IL1RAPL2: variants seen among roughly 807,000 people sequenced by gnomAD.
IL1RAPL2 encodes the protein X-linked interleukin-1 receptor accessory protein-like 2.
In IL1RAPL2, 3 loss-of-function variants were observed where a neutral mutation model predicts 44.1. The ratio of observed to expected loss-of-function variants is 0.07; its 90% CI spans 0.03 to 0.18. IL1RAPL2 has a LOEUF of 0.18. Among genes scored for constraint, IL1RAPL2 ranks in the 10% least tolerant of loss-of-function variants. The probability of loss-of-function intolerance (pLI) is 1.00; values close to 1 mark genes in which losing one functional copy is unlikely to be tolerated. For synonymous variants in IL1RAPL2, 181 were observed against 178.8 expected, an observed-to-expected ratio of 1.01 and a Z score of -0.10; for missense variants, 391 against 496.4, an observed-to-expected ratio of 0.79 and a Z score of 2.02.
chrX:105,646,250 A>G (rs2037604752), intron 6 of IL1RAPL2, among the ~76,000 whole-genome samples: 1 of 111,775 alleles, frequency 8.9e-6, no homozygotes, highest in Non-Finnish European at 1.9e-5. Context: ...ATTTGTGTGC[A>G]TTGATTTGTC....
intron 6 of IL1RAPL2, among the ~76,000 whole-genome samples, chrX:105,593,199 T>C (rs779997996): frequency 2.7e-5 from 3 of 111,994 alleles, no homozygotes; most frequent in Non-Finnish European, 5.6e-5. Context: ...GCTCTGAGAT[T>C]CTTTCCTCAT....
intron 2 of IL1RAPL2, among the ~76,000 whole-genome samples, chrX:104,945,554 A>G (rs1190904126): frequency 8.9e-6 from 1 of 112,019 alleles, no homozygotes; most frequent in Non-Finnish European, 1.9e-5. Flanking sequence ...TATGATATAC[A>G]GGGCTCATTA....
intron 6 of IL1RAPL2, among the ~76,000 whole-genome samples, chrX:105,687,733 C>T (rs896063103): frequency 2.7e-5 from 3 of 111,667 alleles, no homozygotes; most frequent in African/African-American, 9.8e-5. Context: ...ATGAGGCCAA[C>T]ATCATCCTGA....
At chrX:104,663,532 TCTC>T (rs1167996636) in intron 2 of IL1RAPL2, among the ~76,000 whole-genome samples, 1 of 110,360 alleles carries the variant, frequency 9.1e-6, no homozygotes, top group African/African-American at 3.3e-5. Context: ...TGAGATCTCA[TCTC>T]CTAAATGTAT....
chrX:104,595,022 T>C (rs1189676867), intron 1 of IL1RAPL2, among the ~76,000 whole-genome samples: 3 of 111,772 alleles, frequency 2.7e-5, no homozygotes, highest in African/African-American at 9.8e-5. Context: ...GAATGAATGA[T>C]TTTAAGCTGG....
intron 6 of IL1RAPL2, among the ~76,000 whole-genome samples, chrX:105,666,740 G>A (rs1305655439): frequency 9.0e-6 from 1 of 111,533 alleles, no homozygotes; most frequent in Non-Finnish European, 1.9e-5. Context: ...CAAGATGAGG[G>A]CATTTATAGT....
At chrX:105,363,027 T>C (rs1346010233) in intron 5 of IL1RAPL2, among the ~76,000 whole-genome samples, 2 of 108,358 alleles carry the variant, frequency 1.8e-5, no homozygotes, top group African/African-American at 6.7e-5. Context: ...TCCTCCCCTC[T>C]CCTTTACCCT....
chrX:104,640,925 G>T (rs1929921920), intron 1 of IL1RAPL2, among the ~76,000 whole-genome samples: 1 of 112,311 alleles, frequency 8.9e-6, no homozygotes, highest in African/African-American at 3.2e-5. Context: ...CCCCATGGCT[G>T]TGTATGCTGG....
intron 3 of IL1RAPL2, among the ~76,000 whole-genome samples, chrX:105,200,915 C>CCACA (rs61216729): frequency 9.7e-4 from 101 of 104,351 alleles, no homozygotes; most frequent in African/African-American, 3.3e-3. Flanking sequence ...CGTTTCACAC[C>CCACA]CACACACACA....
At chrX:104,896,724 C>T (rs1923660203) in intron 2 of IL1RAPL2, among the ~76,000 whole-genome samples, 1 of 111,685 alleles carries the variant, frequency 9.0e-6, no homozygotes, top group African/African-American at 3.3e-5. Context: ...TGGTCACCTT[C>T]CATGCTGTGG....
chrX:105,408,832 A>C lies in IL1RAPL2; in HGVS notation c.698-75481A>C, dbSNP rs1049437432. On this transcript the variant is annotated intron_variant, in intron 5 of 10. Coordinates refer to ENST00000372582, the MANE Select transcript of IL1RAPL2 (RefSeq NM_017416.2). The stretch of plus-strand genomic sequence containing the variant: ...AACATGGTGTGCTTAGAAACTGCAG[A>C]TTTTAGATCTAATGTATACAGCATT... 9.1e-5 allele frequency among the ~76,000 whole-genome samples: 10 copies of C among 110,366 alleles called. No homozygotes were observed. The Middle Eastern group carries it at 0.014, about 155-fold the overall frequency.
At chrX:105,651,250 C>A (rs1293451489) in intron 6 of IL1RAPL2, among the ~76,000 whole-genome samples, 1 of 111,198 alleles carries the variant, frequency 9.0e-6, no homozygotes, top group Non-Finnish European at 1.9e-5. Flanking sequence ...TCTTCTAGGA[C>A]CTGAAAGACA....
chrX:104,996,383 G>A (rs1044917093), intron 2 of IL1RAPL2, among the ~76,000 whole-genome samples: 1 of 111,799 alleles, frequency 8.9e-6, no homozygotes, highest in African/African-American at 3.3e-5. Context: ...GGGTACCATG[G>A]GTACAAACTT....
chrX:104,828,821 C>T (rs758943357), intron 2 of IL1RAPL2, among the ~76,000 whole-genome samples: 8 of 112,637 alleles, frequency 7.1e-5, no homozygotes, highest in Non-Finnish European at 1.3e-4. Context: ...TCAGAGATGC[C>T]CTGCCCAGAG....
At chrX:105,259,920 C>T (rs1204470696) in intron 4 of IL1RAPL2, among the ~76,000 whole-genome samples, 2 of 111,821 alleles carry the variant, frequency 1.8e-5, no homozygotes. Flanking sequence ...TGCTGGAGGC[C>T]TGCTTTAGTC....
At chrX:104,888,384 A>AAG (rs1328020027) in intron 2 of IL1RAPL2, among the ~76,000 whole-genome samples, 1 of 110,336 alleles carries the variant, frequency 9.1e-6, no homozygotes, top group Non-Finnish European at 1.9e-5. Context: ...GGGAGTCAGA[A>AAG]AGAGAGAGAC....
At chrX:104,899,498 T>C (rs760787915) in intron 2 of IL1RAPL2, among the ~76,000 whole-genome samples, 1 of 112,139 alleles carries the variant, frequency 8.9e-6, no homozygotes, top group African/African-American at 3.2e-5. Context: ...TCTCTTTGAT[T>C]GTACTTGGTT....
chrX:105,366,243 G>A (rs1020664588), intron 5 of IL1RAPL2, among the ~76,000 whole-genome samples: 3 of 111,130 alleles, frequency 2.7e-5, no homozygotes, highest in Non-Finnish European at 5.7e-5. Context: ...CAGTGTGCCC[G>A]GCCTGTGTCT....
intron 5 of IL1RAPL2, among the ~76,000 whole-genome samples, chrX:105,351,718 A>G (rs924841366): frequency 1.1e-4 from 12 of 110,765 alleles, no homozygotes; most frequent in African/African-American, 3.9e-4. Flanking sequence ...ACCATGGCGC[A>G]TGTATACCTA....
Sources: allele counts gnomAD v4.1 joint callset (sites outside exome capture counted in the v4.1 genomes callset), GRCh38; gene constraint gnomAD v4.1.1; transcripts MANE v1.5; gene names NCBI Gene and HGNC (gene_info 2026-07-23, HGNC 2026-07-21).